The following DMD variants were observed in gnomAD, a reference collection of about 807,000 sequenced individuals.
DMD encodes dystrophin, also known as mutant dystrophin.
Under a neutral mutation model 330.1 loss-of-function variants are expected in DMD, and 63 were observed. The observed-to-expected ratio is 0.19, with a 90% confidence interval of 0.16 to 0.24. The LOEUF (loss-of-function observed/expected upper bound fraction) is 0.24, where lower values mean the gene tolerates loss of function less well. Among genes scored for constraint, DMD ranks in the 10% least tolerant of loss-of-function variants. The probability of loss-of-function intolerance (pLI) is 1.00; values close to 1 mark genes in which losing one functional copy is unlikely to be tolerated. For synonymous variants in DMD, 1,223 were observed against 959.8 expected, an observed-to-expected ratio of 1.27 and a Z score of -5.07; for missense variants, 3,344 against 2,684.1, an observed-to-expected ratio of 1.25 and a Z score of -5.43.
At chrX:32,633,661 G>C (rs1450350754) in intron 11 of DMD, among the ~76,000 whole-genome samples, 3 of 111,949 alleles carry the variant, frequency 2.7e-5, no homozygotes, top group Non-Finnish European at 1.9e-5. Context: ...ATAAAGAAAA[G>C]ACGCTTAATT....
rs192322603 is a variant in DMD, at chrX:33,306,754, C to A, written c.7+32505G>T. On this transcript the variant is annotated intron_variant, in intron 1 of 17. Transcript: ENST00000288447. ...ATCCAAAGTCTCAATTAGTACAAAG[C>A]CATGGGGACCCAGACTCTGTCTCTG... Among the ~76,000 whole-genome samples the A allele has an allele frequency of 5.9e-3, 651 of 110,794 alleles. 9 individuals are homozygous for A. Among genetic ancestry groups the A allele is most frequent in the African/African-American group, 0.02 (618 of 30,442 alleles).
At chrX:32,775,145 G>C (rs1234953247) in intron 7 of DMD, among the ~76,000 whole-genome samples, 4 of 112,846 alleles carry the variant, frequency 3.5e-5, no homozygotes, top group Non-Finnish European at 7.5e-5. Context: ...GCAGGCTGAT[G>C]CAAGGGGTGG....
In DMD at chrX:31,524,268, T is replaced by C. The variant is rs770683937; in HGVS notation, c.8218-16815A>G. Among the ~76,000 whole-genome samples the C allele has an allele frequency of 3.6e-5, 4 of 112,041 alleles. No homozygotes were observed. In the East Asian group the frequency reaches 8.4e-4, roughly 24 times the overall value. On this transcript the variant is annotated intron_variant, in intron 55 of 78. Coordinates refer to ENST00000357033, the MANE Select transcript of DMD (RefSeq NM_004006.3). ...TCAATGAAGATTTTCTGTTATTGCA[T>C]GGGCTGTTTTGCCTACAGCCAAGAA... is the stretch of plus-strand genomic sequence containing the variant.
intron 29 of DMD, among the ~76,000 whole-genome samples, chrX:32,415,553 C>T (rs1010966148): frequency 4.4e-5 from 5 of 112,398 alleles, no homozygotes; most frequent in African/African-American, 1.6e-4. Context: ...TTGACCTGTG[C>T]TGTCTCATTG....
At chrX:32,392,859 A>C (rs2098013892) in intron 30 of DMD, among the ~76,000 whole-genome samples, 1 of 112,780 alleles carries the variant, frequency 8.9e-6, no homozygotes. Context: ...GGCCATGGAT[A>C]AGTGCTTCAG....
intron 47 of DMD, among the ~76,000 whole-genome samples, chrX:31,901,523 G>A (rs1244361600): frequency 9.0e-6 from 1 of 111,242 alleles, no homozygotes; most frequent in African/African-American, 3.3e-5. Flanking sequence ...ACCGTCCTTT[G>A]TTGCAATCTC....
intron 60 of DMD, among the ~76,000 whole-genome samples, chrX:31,349,044 T>C (rs2058250138): frequency 8.9e-6 from 1 of 112,503 alleles, no homozygotes; most frequent in South Asian, 3.7e-4. Context: ...TCTTAGGCTA[T>C]TGTTTTTGAC....
intron 2 of DMD, among the ~76,000 whole-genome samples, chrX:32,931,467 GTAAC>G (rs1397390326): frequency 8.9e-6 from 1 of 111,785 alleles, no homozygotes; most frequent in African/African-American, 3.2e-5. Context: ...AGAAAATAGA[GTAAC>G]TGTGTTATTC....
In DMD at chrX:32,854,573, A is replaced by C. The variant is rs776519210; in HGVS notation, c.94-4753T>G. ...TTTACAGCAATAAGCACTTGTATCA[A>C]AAAAAAAAAAAAAAGAGAAACAATA... On this transcript the variant is annotated intron_variant, in intron 2 of 78. Transcript: ENST00000357033. Among the ~76,000 whole-genome samples the C allele has an allele frequency of 2.1e-3, 195 of 91,607 alleles. 3 individuals carry two copies. The East Asian group carries it at 0.058, about 27-fold the overall frequency. The allele number at this position is 91,607 out of a possible 115,157, so 79.5% of individuals were successfully genotyped here.
At chrX:31,129,478 A>C (rs1436192335) in intron 77 of DMD, among the ~76,000 whole-genome samples, 1 of 112,112 alleles carries the variant, frequency 8.9e-6, no homozygotes, top group Non-Finnish European at 1.9e-5. Context: ...ACGAAATAAT[A>C]GCGTAAAGCA....
intron 9 of DMD, among the ~76,000 whole-genome samples, chrX:32,664,834 C>G (rs1282045591): frequency 9.0e-6 from 1 of 111,356 alleles, no homozygotes; most frequent in Non-Finnish European, 1.9e-5. Context: ...TATTTGATGC[C>G]AGGAGGCTAG....
In DMD at chrX:32,485,075, G is replaced by T. The variant is rs1236074671; in HGVS notation, c.2647C>A (p.Leu883Ile). Residue 883 changes from leucine to isoleucine, a missense_variant, in exon 21 of 79, where the codon CTT becomes ATT. Leu to Ile is a conservative substitution (Grantham distance 5). Coordinates refer to ENST00000357033, the MANE Select transcript of DMD (RefSeq NM_004006.3). ...CKDEVNRLSD[L>I]QPQIERLKIQ... is the part of the protein sequence containing the mutation. ...TTTAATCGTTCAATTTGAGGTTGAAGATCTGATAGCCGGTTGACTTCATCC... is the reference window on the plus strand; with the variant it reads ...TTTAATCGTTCAATTTGAGGTTGAATATCTGATAGCCGGTTGACTTCATCC... 8.3e-7 allele frequency: 1 copy of T among 1,210,732 alleles called. No individual in the cohort carries two copies. Among genetic ancestry groups the T allele is most frequent in the East Asian group, 3.0e-5 (1 of 33,826 alleles).
chrX:33,277,110 G>A (rs112850102), intron 1 of DMD, among the ~76,000 whole-genome samples: 1,232 of 111,089 alleles, frequency 0.011, 20 homozygotes, highest in African/African-American at 0.039. Flanking sequence ...CCTTTTATAG[G>A]CCACCTGCCA....
intron 60 of DMD, among the ~76,000 whole-genome samples, chrX:31,442,545 TA>T (rs5901985): frequency 0.011 from 1,085 of 102,085 alleles, 13 homozygotes; most frequent in African/African-American, 0.035. Flanking sequence ...TAGCATTGAT[TA>T]AAAAAAAAAA....
intron 55 of DMD, among the ~76,000 whole-genome samples, chrX:31,566,058 G>A (rs1014821508): frequency 1.8e-5 from 2 of 111,264 alleles, no homozygotes; most frequent in African/African-American, 6.5e-5. Flanking sequence ...CTATCAGTCT[G>A]TAGCTTGTCT....
rs185402402 is a variant in DMD at position 32,998,289 on chromosome X, A to G, written c.93+21850T>C. On this transcript the variant is annotated intron_variant, in intron 2 of 78. Coordinates refer to ENST00000357033, the MANE Select transcript of DMD (RefSeq NM_004006.3). ...GAGGCTGAGGTGGAAGGATGGCTCA[A>G]ACCCGGGAGGTTGAAGCTATAGTGA... Among the ~76,000 whole-genome samples, 87 of 105,828 alleles carry G rather than the reference A, an allele frequency of 8.2e-4. 1 individual carries two copies. The East Asian group carries it at 0.012, about 14-fold the overall frequency. The allele number at this position is 105,828 out of a possible 115,157, so 91.9% of individuals were successfully genotyped here. A position where few individuals can be genotyped will look rare whatever the true frequency, so the allele number is the denominator to read the frequency against.
In DMD at chrX:31,673,620, AAAAG is replaced by A. The variant is rs542389738; in HGVS notation, c.7872+5751_7872+5754del. Among the ~76,000 whole-genome samples the A allele has an allele frequency of 4.2e-3, 467 of 111,673 alleles. 5 individuals carry two copies. Among genetic ancestry groups the A allele is most frequent in the African/African-American group, 0.015 (457 of 30,723 alleles). Reference sequence around the variant, plus strand: ...GAGACTCCATCTCAAAAAAAGGAAAAAAAGAAAGAAAAGAAAAAAGAAAAGATGA... The same window carrying A: ...GAGACTCCATCTCAAAAAAAGGAAAAAAAGAAAAGAAAAAAGAAAAGATGA... On this transcript the variant is annotated intron_variant, in intron 53 of 78. Transcript: ENST00000357033.
At chrX:32,723,007 T>A (rs2066488320) in intron 7 of DMD, among the ~76,000 whole-genome samples, 1 of 111,100 alleles carries the variant, frequency 9.0e-6, no homozygotes, top group Non-Finnish European at 1.9e-5. Flanking sequence ...TTTTAGCAAA[T>A]CTTAAGGGGA....
chrX:33,026,388 A>G (rs2094006157), intron 1 of DMD, among the ~76,000 whole-genome samples: 1 of 105,124 alleles, frequency 9.5e-6, no homozygotes, highest in African/African-American at 3.4e-5. Context: ...AATATGGGAG[A>G]GCAATTAAGT....
Sources: allele counts gnomAD v4.1 joint callset (sites outside exome capture counted in the v4.1 genomes callset), GRCh38; gene constraint gnomAD v4.1.1; transcripts MANE v1.5; gene names NCBI Gene and HGNC (gene_info 2026-07-23, HGNC 2026-07-21).